The following NRG3 variants were observed in gnomAD, a reference collection of about 807,000 sequenced individuals.
The protein encoded by NRG3 is neuregulin 3, also known as pro-neuregulin-3, membrane-bound isoform.
A neutral mutation model predicts 66.9 loss-of-function variants in NRG3; 31 were observed. The observed-to-expected ratio is 0.46, with a 90% CI of 0.35 to 0.63. The LOEUF (loss-of-function observed/expected upper bound fraction) is 0.63, where lower values mean the gene tolerates loss of function less well. Ranked by LOEUF, NRG3 falls within the 20% of genes least tolerant of loss-of-function variation. The pLI is 0.00. For missense variants in NRG3, 910 were observed against 878.9 expected (o/e 1.04, Z -0.45); for synonymous variants, 393 against 359.4 (o/e 1.09, Z -1.06).
chr10:81,971,597 T>G (rs943013329), intron 1 of NRG3, among the ~76,000 whole-genome samples: 2 of 152,204 alleles, frequency 1.3e-5, no homozygotes, highest in Admixed American at 6.5e-5. Context: ...TTCAAGATAC[T>G]GAACATCAGA....
At chr10:82,629,886 CT>C (rs1247620110) in intron 2 of NRG3, among the ~76,000 whole-genome samples, 1 of 152,138 alleles carries the variant, frequency 6.6e-6, no homozygotes, top group African/African-American at 2.4e-5. Flanking sequence ...ATACCTTTGC[CT>C]CCTAAAGTCA....
At chr10:82,811,550 A>T (rs2061492992) in intron 3 of NRG3, among the ~76,000 whole-genome samples, 1 of 152,202 alleles carries the variant, frequency 6.6e-6, no homozygotes, top group South Asian at 2.1e-4. Flanking sequence ...AACAGGTGAA[A>T]AGTAAAGGTG....
chr10:82,245,980 T>G (rs2077221811), intron 1 of NRG3, among the ~76,000 whole-genome samples: 1 of 137,816 alleles, frequency 7.3e-6, no homozygotes, highest in Non-Finnish European at 1.6e-5. Flanking sequence ...GTCTTCTGGT[T>G]TTTTTTTTTT....
In NRG3 at chr10:82,552,203, A is replaced by C. The variant is rs540220117; in HGVS notation, c.954-186374A>C. ...TATTAGTTGAAATAATTCTGTAGGA[A>C]TCACTTGCTCTCATCTCCTATTTAG... On this transcript the variant is annotated intron_variant, in intron 2 of 8. Transcript: ENST00000372141. 1.6e-4 allele frequency among the ~76,000 whole-genome samples: 24 copies of C among 152,308 alleles called. No individual in the cohort carries two copies. The East Asian group carries it at 4.6e-3, about 29-fold the overall frequency.
chr10:82,577,188 A>G (rs2046081255), intron 2 of NRG3, among the ~76,000 whole-genome samples: 1 of 151,748 alleles, frequency 6.6e-6, no homozygotes, highest in Non-Finnish European at 1.5e-5. Context: ...ATTCCTTTAG[A>G]TAAAGTTTAC....
Position 82,040,161 on chromosome 10 carries a change from T to G in NRG3, c.823+163998T>G, listed in dbSNP as rs181275804. Among the ~76,000 whole-genome samples, 448 of 152,208 alleles carry G rather than the reference T, an allele frequency of 2.9e-3. 2 individuals carry two copies. The highest frequency in any genetic ancestry group is 4.9e-3 in the Non-Finnish European group (333 of 67,994). The stretch of plus-strand genomic sequence containing the variant: ...CATTTTCTAATTTCGTTTTAATACA[T>G]TTTGAAGGAAACTTAAGCTTGGAAA... On this transcript the variant is annotated intron_variant, in intron 1 of 8. Transcript: ENST00000372141.
intron 3 of NRG3, among the ~76,000 whole-genome samples, chr10:82,853,627 T>C (rs963988042): frequency 3.9e-5 from 6 of 152,164 alleles, no homozygotes; most frequent in Non-Finnish European, 4.4e-5. Context: ...AGAGCAGTGC[T>C]ACTGATTTGT....
intron 1 of NRG3, among the ~76,000 whole-genome samples, chr10:81,974,778 G>C (rs1589653284): frequency 6.6e-6 from 1 of 152,170 alleles, no homozygotes; most frequent in Non-Finnish European, 1.5e-5. Flanking sequence ...TCAGTGGCTT[G>C]AACTGGATGA....
At position 82,194,112 on chromosome 10, in the gene NRG3, G is replaced by T. The variant is rs146700710; in HGVS notation, c.824-164627G>T. On this transcript the variant is annotated intron_variant, in intron 1 of 8. Transcript: ENST00000372141. ...CGATGTGAAATTTTACTGAGAGTAA[G>T]AAGAAAGCAAAGCTGTGGTCTTTCC... is the stretch of plus-strand genomic sequence containing the variant. Among the ~76,000 whole-genome samples the T allele has an allele frequency of 4.1e-3, 620 of 152,288 alleles. 2 individuals carry two copies. Among genetic ancestry groups the T allele is most frequent in the African/African-American group, 0.014 (590 of 41,566 alleles).
At chr10:82,375,974 A>G (rs1375992174) in intron 2 of NRG3, among the ~76,000 whole-genome samples, 2 of 152,216 alleles carry the variant, frequency 1.3e-5, no homozygotes, top group African/African-American at 4.8e-5. Flanking sequence ...TGCCAAATTA[A>G]GAAGGGTGTG....
At chr10:82,554,346 T>C (rs2044510403) in intron 2 of NRG3, among the ~76,000 whole-genome samples, 1 of 152,152 alleles carries the variant, frequency 6.6e-6, no homozygotes, top group African/African-American at 2.4e-5. Flanking sequence ...TGTGATATGA[T>C]CATTACACAG....
rs747063117 is a variant in NRG3, at chr10:82,472,057, GA to G, written c.953+113200del. 5.0e-3 allele frequency among the ~76,000 whole-genome samples: 725 copies of G among 145,022 alleles called. 4 individuals carry two copies. The highest frequency in any genetic ancestry group is 0.014 in the African/African-American group (557 of 39,608). ...GTGGAGATAAATCATACTTGAAATT[GA>G]AAAAAAAAAATACTAGAACAAATCC... On this transcript the variant is annotated intron_variant, in intron 2 of 8. Coordinates refer to ENST00000372141, the MANE Select transcript of NRG3 (RefSeq NM_001010848.4).
rs764941110 is a variant in NRG3, at chr10:82,358,848, C to T, written c.933C>T (p.Thr311=). The T allele has an allele frequency of 9.9e-6, 16 of 1,614,056 alleles. No homozygotes were observed. Among genetic ancestry groups the T allele is most frequent in the African/African-American group, 9.3e-5 (7 of 74,932 alleles). Residue 311 remains threonine (T), a synonymous_variant, in exon 2 of 9, where the codon ACC becomes ACT. Coordinates refer to ENST00000372141, the MANE Select transcript of NRG3 (RefSeq NM_001010848.4). ...DGECFVIETL[T]GSHKHCRCKE... is the part of the protein sequence containing the mutation. The stretch of plus-strand genomic sequence containing the variant: ...AGTGCTTTGTGATCGAAACCCTGAC[C>T]GGATCCCATAAACACTGTCGGTAAG...
chr10:82,906,635 T>G (rs1239216903), intron 4 of NRG3, among the ~76,000 whole-genome samples: 1 of 152,032 alleles, frequency 6.6e-6, no homozygotes, highest in Non-Finnish European at 1.5e-5. Context: ...TTAAAACATG[T>G]CCAGTAGGAA....
intron 8 of NRG3, among the ~76,000 whole-genome samples, chr10:82,983,131 T>C (rs562815732): frequency 6.6e-6 from 1 of 152,334 alleles, no homozygotes; most frequent in African/African-American, 2.4e-5. Context: ...AGATTCTACC[T>C]GCTGGTATAC....
intron 4 of NRG3, among the ~76,000 whole-genome samples, chr10:82,880,792 G>C (rs1842235356): frequency 6.6e-6 from 1 of 152,168 alleles, no homozygotes; most frequent in South Asian, 2.1e-4. Flanking sequence ...GATATGTTTT[G>C]TGTATTGCAT....
intron 1 of NRG3, among the ~76,000 whole-genome samples, chr10:82,022,578 A>G (rs912844968): frequency 4.6e-5 from 7 of 152,122 alleles, no homozygotes; most frequent in Non-Finnish European, 8.8e-5. Context: ...GTACTTCTCT[A>G]CAGGATTTCT....
chr10:82,550,865 T>G (rs1418460006), intron 2 of NRG3, among the ~76,000 whole-genome samples: 1 of 152,114 alleles, frequency 6.6e-6, no homozygotes, highest in Non-Finnish European at 1.5e-5. Flanking sequence ...ACTTCTTCAC[T>G]CATATGCTGC....
chr10:82,663,976 G>A (rs1196779799), intron 2 of NRG3, among the ~76,000 whole-genome samples: 6 of 152,200 alleles, frequency 3.9e-5, no homozygotes, highest in Non-Finnish European at 7.3e-5. Context: ...TTGGATCAAC[G>A]AACTGGGCAG....
Sources: allele counts gnomAD v4.1 joint callset (sites outside exome capture counted in the v4.1 genomes callset), GRCh38; gene constraint gnomAD v4.1.1; transcripts MANE v1.5; gene names NCBI Gene and HGNC (gene_info 2026-07-23, HGNC 2026-07-21).